SLC25A51: variants seen among roughly 807,000 people sequenced by gnomAD.
The protein encoded by SLC25A51 is mitochondrial nicotinamide adenine dinucleotide transporter SLC25A51.
In SLC25A51, 11 loss-of-function variants were observed where a neutral mutation model predicts 19.1. The ratio of observed to expected loss-of-function variants is 0.58; its 90% CI spans 0.36 to 0.96. The LOEUF (loss-of-function observed/expected upper bound fraction) is 0.96. Among genes scored for constraint, SLC25A51 ranks in the 40% least tolerant of loss-of-function variants. The pLI is 0.01. For missense variants in SLC25A51, 201 were observed against 365.4 expected, an observed-to-expected ratio of 0.55 and a Z score of 3.67; for synonymous variants, 105 against 133.6, an observed-to-expected ratio of 0.79 and a Z score of 1.47.
At chr9:37,883,295 T>C (rs1316464770), downstream of SLC25A51, among the ~76,000 whole-genome samples, 4 of 152,194 alleles carry the variant, frequency 2.6e-5, no homozygotes, top group Admixed American at 6.5e-5. Flanking sequence ...AAGAAGTCTA[T>C]AGGACAACAC....
At chr9:37,893,031 C>T (rs1185224863) in intron 2 of SLC25A51, among the ~76,000 whole-genome samples, 1 of 151,896 alleles carries the variant, frequency 6.6e-6, no homozygotes, top group African/African-American at 2.4e-5. Context: ...TGGGCCACAG[C>T]GCCTGGCCCA....
At chr9:37,902,872 C>T (rs1457430682) in intron 1 of SLC25A51, among the ~76,000 whole-genome samples, 2 of 152,318 alleles carry the variant, frequency 1.3e-5, no homozygotes, top group East Asian at 3.9e-4. Flanking sequence ...ACAAAGGTCT[C>T]TGCAAAAACT....
chr9:37,894,344 T>TG (rs1201657334), intron 2 of SLC25A51, among the ~76,000 whole-genome samples: 3 of 151,472 alleles, frequency 2.0e-5, no homozygotes, highest in Non-Finnish European at 3.0e-5. Context: ...TTTTTTTTTT[T>TG]GAGGCAGAGT....
chr9:37,890,599 GGGAGAA>G (rs1361685220), intron 2 of SLC25A51, among the ~76,000 whole-genome samples: 1 of 152,018 alleles, frequency 6.6e-6, no homozygotes, highest in Non-Finnish European at 1.5e-5. Context: ...GGAAGGTGGA[GGGAGAA>G]GGACCTCTTG....
chr9:37,885,617 T>C (rs1221224688), downstream of SLC25A51: 2 of 775,908 alleles, frequency 2.6e-6, no homozygotes, highest in East Asian at 2.4e-5. Flanking sequence ...TTGGCAACAA[T>C]AATACGGCGC....
At chr9:37,900,020 TAG>T (rs1474427697) in intron 1 of SLC25A51, 70 bp from the exon 2 acceptor site, 16 of 123,602 alleles carry the variant, frequency 1.3e-4, no homozygotes, top group Non-Finnish European at 2.3e-4. Flanking sequence ...TTTTTTTTTG[TAG>T]AGACAGGGTC....
downstream of SLC25A51, chr9:37,886,512 G>C: frequency 1.8e-6 from 2 of 1,128,276 alleles, no homozygotes; most frequent in Non-Finnish European, 1.2e-6. Context: ...GGGGCAGTGC[G>C]CAGCTTCTGA....
chr9:37,879,307 CA>C, downstream of SLC25A51: 1 of 216,516 alleles, frequency 4.6e-6, no homozygotes, highest in Non-Finnish European at 1.0e-5. Context: ...CTGAGGAGTT[CA>C]GGATGTGTGG....
At chr9:37,891,624 A>G (rs919140693) in intron 2 of SLC25A51, among the ~76,000 whole-genome samples, 1 of 152,052 alleles carries the variant, frequency 6.6e-6, no homozygotes, top group African/African-American at 2.4e-5. Flanking sequence ...GGGCGGTGCA[A>G]GATGTGCTTT....
At chr9:37,887,039 G>A (rs985401823), downstream of SLC25A51, among the ~76,000 whole-genome samples, 15 of 151,710 alleles carry the variant, frequency 9.9e-5, no homozygotes, top group South Asian at 2.1e-4. Context: ...GGGCGTAGCC[G>A]GGCACAGTGG....
downstream of SLC25A51, among the ~76,000 whole-genome samples, chr9:37,884,082 C>T (rs1163081352): frequency 1.3e-5 from 2 of 152,120 alleles, no homozygotes; most frequent in Non-Finnish European, 2.9e-5. Context: ...ATGCAATTAT[C>T]CAGAAAGAAG....
At chr9:37,892,545 T>A (rs1831615409) in intron 2 of SLC25A51, among the ~76,000 whole-genome samples, 1 of 151,852 alleles carries the variant, frequency 6.6e-6, no homozygotes, top group African/African-American at 2.4e-5. Context: ...ATACAATATA[T>A]ACAATACTAC....
Position 37,888,374 on chromosome 9 carries a change from C to G in SLC25A51, c.177G>C (p.Gln59His). 1 of 1,614,248 alleles carries G rather than the reference C, an allele frequency of 6.2e-7. No homozygotes were observed. The highest frequency in any genetic ancestry group is 8.5e-7 in the Non-Finnish European group (1 of 1,180,054). The change falls in exon 3 of 3, where the codon CAG becomes CAC. Residue 59 changes from glutamine (Q) to histidine (H), a missense_variant. Coordinates refer to ENST00000242275, the MANE Select transcript of SLC25A51 (RefSeq NM_033412.4). ...FPIQKVLFRQ[Q>H]LYGIKTRDAI... is the part of the protein sequence containing the mutation. ...CATCCCGGGTTTTGATGCCATACAG[C>G]TGTTGTCGAAAGAGGACCTTCTGAA...
intron 2 of SLC25A51, chr9:37,881,662 G>A (rs572904706): frequency 1.3e-5 from 2 of 152,286 alleles, no homozygotes; most frequent in East Asian, 3.9e-4. Context: ...AAGCTTTGCA[G>A]TTAAACTACC....
chr9:37,882,402 T>C (rs1250741246), intron 2 of SLC25A51, among the ~76,000 whole-genome samples: 1 of 152,190 alleles, frequency 6.6e-6, no homozygotes, highest in Non-Finnish European at 1.5e-5. Context: ...CATTATTCCC[T>C]TACATGTTTG....
At chr9:37,885,342 TAAA>T (rs60095173), downstream of SLC25A51, among the ~76,000 whole-genome samples, 19,575 of 98,622 alleles carry the variant, frequency 0.2, 1,479 homozygotes, top group African/African-American at 0.36. Flanking sequence ...TAGGTAATGA[TAAA>T]AAAAAAAAAA....
chr9:37,893,699 T>C (rs984370082), intron 2 of SLC25A51, among the ~76,000 whole-genome samples: 4 of 152,194 alleles, frequency 2.6e-5, no homozygotes, highest in African/African-American at 7.2e-5. Context: ...ACCTGTATGC[T>C]CCACTGAGAG....
intron 1 of SLC25A51, among the ~76,000 whole-genome samples, chr9:37,901,686 G>T (rs1564072632): frequency 6.6e-6 from 1 of 152,134 alleles, no homozygotes; most frequent in East Asian, 1.9e-4. Context: ...GAAAAAAAAG[G>T]TTCCAGAATA....
intron 2 of SLC25A51, among the ~76,000 whole-genome samples, chr9:37,893,951 CT>C (rs1218644470): frequency 6.6e-6 from 1 of 152,182 alleles, no homozygotes; most frequent in East Asian, 1.9e-4. Flanking sequence ...TCACCCACCC[CT>C]ATTCCCTGCC....
Sources: gnomAD v4.1 joint callset for allele counts (sites outside exome capture counted in the v4.1 genomes callset) on GRCh38, gnomAD v4.1.1 for gene constraint, MANE v1.5 for transcripts, NCBI Gene and HGNC (gene_info 2026-07-23, HGNC 2026-07-21) for gene names.